HEATR4: variants seen among roughly 807,000 people sequenced by gnomAD.
The protein encoded by HEATR4 is HEAT repeat containing 4, also known as HEAT repeat-containing protein 4.
A neutral mutation model predicts 108.8 loss-of-function variants in HEATR4; 95 were observed. The observed-to-expected ratio is 0.87, with a 90% CI of 0.74 to 1.04. HEATR4 has a LOEUF of 1.04. HEATR4 is among the 50% of genes least tolerant of loss of function. The pLI, the probability that HEATR4 is intolerant of heterozygous loss-of-function variation, is 0.00. For synonymous variants in HEATR4, 443 were observed against 459.4 expected (o/e 0.96, Z 0.46); for missense variants, 1,152 against 1,253.8 (o/e 0.92, Z 1.23).
At chr14:73,513,727 CCAAAAAAAAAAAA>C (rs1887409570) in intron 6 of HEATR4, among the ~76,000 whole-genome samples, 2 of 26,578 alleles carry the variant, frequency 7.5e-5, no homozygotes, top group Admixed American at 7.5e-4. Flanking sequence ...AACTACGTCT[CCAAAAAAAAAAAA>C]AAAAAAAAAA....
At chr14:73,576,232 G>C in the HEATR4 span, among the ~76,000 whole-genome samples, 1 of 151,904 alleles carries the variant, frequency 6.6e-6, no homozygotes, top group Non-Finnish European at 1.5e-5. Context: ...AATATAAAAA[G>C]TGTATCAGAT....
the HEATR4 span, among the ~76,000 whole-genome samples, chr14:73,628,240 G>T: frequency 6.6e-6 from 1 of 152,156 alleles, no homozygotes; most frequent in Non-Finnish European, 1.5e-5. Flanking sequence ...AATCTTTTAG[G>T]AGTTGTATGT....
At chr14:73,627,770 C>T in the HEATR4 span, among the ~76,000 whole-genome samples, 1 of 130,860 alleles carries the variant, frequency 7.6e-6, no homozygotes, top group South Asian at 2.6e-4. Context: ...TAACGCTTTC[C>T]CTCCTCCCCA....
chr14:73,619,219 C>T, the HEATR4 span: 3 of 1,535,294 alleles, frequency 2.0e-6, no homozygotes, highest in Non-Finnish European at 2.6e-6. Context: ...TTTTCCTTCT[C>T]TTTTTCCTCA....
intron 17 of HEATR4, among the ~76,000 whole-genome samples, chr14:73,482,107 C>T (rs992880425): frequency 2.0e-5 from 3 of 152,198 alleles, no homozygotes; most frequent in East Asian, 3.9e-4. Context: ...AAGCACAGGC[C>T]GGGCACACTG....
chr14:73,625,488 A>C, the HEATR4 span, among the ~76,000 whole-genome samples: 1 of 152,062 alleles, frequency 6.6e-6, no homozygotes, highest in African/African-American at 2.4e-5. Context: ...CAGCCTCCCA[A>C]GTAGCTGGGA....
chr14:73,561,143 A>C (rs929645766), upstream of HEATR4, among the ~76,000 whole-genome samples: 21 of 151,816 alleles, frequency 1.4e-4, no homozygotes, highest in African/African-American at 3.9e-4. Context: ...AGGAGGGTGG[A>C]TCACCTGAGG....
rs34660727 is a variant in HEATR4 at position 73,506,804 on chromosome 14, G to GTTTTTTTTTTTTTTTTTTTTTT, written c.1882-234_1882-233insAAAAAAAAAAAAAAAAAAAAAA. 1.1e-3 allele frequency among the ~76,000 whole-genome samples: 90 copies of GTTTTTTTTTTTTTTTTTTTTTT among 80,476 alleles called. 19 individuals are homozygous for GTTTTTTTTTTTTTTTTTTTTTT. Among genetic ancestry groups the GTTTTTTTTTTTTTTTTTTTTTT allele is most frequent in the East Asian group, 6.3e-3 (11 of 1,736 alleles). 52.8% of individuals were successfully genotyped at this position (80,476 alleles called of 152,430 possible). A position where few individuals can be genotyped will look rare whatever the true frequency, so the allele number is the denominator to read the frequency against. On this transcript the variant is annotated intron_variant, in intron 9 of 17. Transcript: ENST00000553558. ...GGACCTTCCTTTCCTGACTTTAACT[G>GTTTTTTTTTTTTTTTTTTTTTT]TTTTTTTTTTTTTTTTTTTTTCTGA...
Position 73,495,213 on chromosome 14 carries a change from C to A in HEATR4, c.2785+15G>T. On this transcript the variant is annotated intron_variant, in intron 16 of 17. Coordinates refer to ENST00000553558, the MANE Select transcript of HEATR4 (RefSeq NM_001220484.1). The stretch of plus-strand genomic sequence containing the variant: ...AAAGGAATCAAGGCATGGAACTCAC[C>A]CCTAGGAAACCTACCCTGAAAAGTT... 1 of 1,610,112 alleles carries A rather than the reference C, an allele frequency of 6.2e-7. No individual in the cohort carries two copies. The highest frequency in any genetic ancestry group is 8.5e-7 in the Non-Finnish European group (1 of 1,177,884).
chr14:73,495,504 G>T, intron 15 of HEATR4, 117 bp from the exon 16 acceptor site: 1 of 806,680 alleles, frequency 1.2e-6, no homozygotes, highest in South Asian at 1.8e-5. Flanking sequence ...GATCACTTGA[G>T]CCCAACAGTT....
chr14:73,575,420 T>C, the HEATR4 span: 16 of 1,340,996 alleles, frequency 1.2e-5, no homozygotes, highest in Admixed American at 3.0e-4. Context: ...CCAGGGCTCA[T>C]GCCATGGCTC....
At chr14:73,508,360 G>A (rs986081359) in intron 8 of HEATR4, 66 bp from the exon 9 acceptor site, 1 of 1,460,196 alleles carries the variant, frequency 6.8e-7, no homozygotes, top group Non-Finnish European at 9.5e-7. Flanking sequence ...AACAGCCTTT[G>A]GATTGATACC....
chr14:73,543,210 C>G lies in HEATR4; in HGVS notation c.-151-12966G>C, dbSNP rs572232927. ...CGCTACAAGGGCGAGACCCTGCCCC[C>G]TGTGGGCGTCAACAGAAATCGCATC... On this transcript the variant is annotated intron_variant, in intron 1 of 17. Transcript: ENST00000553558. 194 of 1,604,344 alleles carry G rather than the reference C, an allele frequency of 1.2e-4. 7 individuals are homozygous for G. Among genetic ancestry groups the G allele is most frequent in the Non-Finnish European group, 1.5e-4 (182 of 1,175,876 alleles).
At chr14:73,509,261 T>C (rs745475893) in intron 8 of HEATR4, 51 bp downstream of exon 8, 2 of 1,541,396 alleles carry the variant, frequency 1.3e-6, no homozygotes, top group East Asian at 4.5e-5. Flanking sequence ...AAGCTGATAG[T>C]GAGATGTCTA....
chr14:73,495,077 A>G (rs1400913446), intron 16 of HEATR4, 151 bp downstream of exon 16: 2 of 580,282 alleles, frequency 3.4e-6, no homozygotes, highest in African/African-American at 3.8e-5. Context: ...AAAAACACAA[A>G]GACTGAGTGG....
chr14:73,504,554 T>C (rs1243344445), intron 10 of HEATR4, among the ~76,000 whole-genome samples: 4 of 152,192 alleles, frequency 2.6e-5, no homozygotes, highest in African/African-American at 9.6e-5. Flanking sequence ...TTTTTGCATT[T>C]CTAATAATGC....
chr14:73,482,816 G>A (rs575811093), intron 17 of HEATR4, among the ~76,000 whole-genome samples: 1 of 152,136 alleles, frequency 6.6e-6, no homozygotes, highest in East Asian at 1.9e-4. Context: ...ACACCACCAT[G>A]CCCAGTTAGT....
At chr14:73,632,620 G>A in the HEATR4 span, among the ~76,000 whole-genome samples, 1 of 151,978 alleles carries the variant, frequency 6.6e-6, no homozygotes, top group African/African-American at 2.4e-5. Context: ...AAGGCAGGGG[G>A]ATCACCTGAG....
At chr14:73,483,415 A>C (rs1885328228) in intron 17 of HEATR4, among the ~76,000 whole-genome samples, 1 of 152,156 alleles carries the variant, frequency 6.6e-6, no homozygotes, top group Non-Finnish European at 1.5e-5. Flanking sequence ...ACCTATTCAC[A>C]GGCACGATCA....
Sources: allele counts gnomAD v4.1 joint callset (sites outside exome capture counted in the v4.1 genomes callset), GRCh38; gene constraint gnomAD v4.1.1; transcripts MANE v1.5; gene names NCBI Gene and HGNC (gene_info 2026-07-23, HGNC 2026-07-21).